SH3BGR: variants seen among roughly 807,000 people sequenced by gnomAD.
The protein encoded by SH3BGR is SH3 domain-binding glutamic acid-rich protein.
In SH3BGR, 29 loss-of-function variants were observed where a neutral mutation model predicts 24.5. The ratio of observed to expected loss-of-function variants is 1.18; its 90% CI spans 0.88 to 1.61. The LOEUF is 1.61. Among genes scored for constraint, SH3BGR ranks in the 40% most tolerant of loss-of-function variants. The probability of loss-of-function intolerance (pLI) is 0.00; values close to 1 mark genes in which losing one functional copy is unlikely to be tolerated. For synonymous variants in SH3BGR, 55 were observed against 65.7 expected (o/e 0.84, Z 0.79); for missense variants, 162 against 205.8 (o/e 0.79, Z 1.30).
intron 5 of SH3BGR, among the ~76,000 whole-genome samples, chr21:39,510,127 A>G (rs910255623): frequency 2.8e-5 from 4 of 144,968 alleles, no homozygotes; most frequent in Non-Finnish European, 1.5e-5. Flanking sequence ...TATTTTTAGT[A>G]GAGACGGGGT....
intron 4 of SH3BGR, among the ~76,000 whole-genome samples, chr21:39,501,843 T>G (rs916929407): frequency 6.6e-6 from 1 of 152,246 alleles, no homozygotes; most frequent in East Asian, 1.9e-4. Context: ...TTCAAGAACC[T>G]ACTGGCTTGT....
At position 39,479,231 on chromosome 21, in the gene SH3BGR, G is replaced by GAT. The variant is rs57993573; in HGVS notation, c.312+4016_312+4017insAT. ...TGGTGGTGGAGGTGGTAAGGGTGGT[G>GAT]GTGGTGGTGGTGGTGGTGGTGGTGG... On this transcript the variant is annotated intron_variant, in intron 3 of 6. Coordinates refer to ENST00000333634, the MANE Select transcript of SH3BGR (RefSeq NM_007341.3). Among the ~76,000 whole-genome samples the GAT allele has an allele frequency of 2.8e-3, 396 of 142,580 alleles. 1 individual carries two copies. Among genetic ancestry groups the GAT allele is most frequent in the African/African-American group, 9.6e-3 (367 of 38,110 alleles). 93.5% of individuals were successfully genotyped at this position (142,580 alleles called of 152,430 possible).
At chr21:39,447,666 G>A (rs915591531), upstream of SH3BGR, among the ~76,000 whole-genome samples, 1 of 151,948 alleles carries the variant, frequency 6.6e-6, no homozygotes, top group African/African-American at 2.4e-5. Context: ...TGATCTGCCC[G>A]CCTCGGCCTC....
At chr21:39,492,821 G>A (rs2078327384) in intron 3 of SH3BGR, among the ~76,000 whole-genome samples, 2 of 152,170 alleles carry the variant, frequency 1.3e-5, no homozygotes. Context: ...CATTCTTGCA[G>A]GAGTAAGGTG....
At chr21:39,452,439 CT>C (rs1165163370) in intron 1 of SH3BGR, among the ~76,000 whole-genome samples, 2 of 152,156 alleles carry the variant, frequency 1.3e-5, no homozygotes, top group Non-Finnish European at 2.9e-5. Flanking sequence ...GAAGCAGGGA[CT>C]TTTTTGTATG....
intron 1 of SH3BGR, among the ~76,000 whole-genome samples, chr21:39,453,375 G>A (rs1172187115): frequency 6.6e-6 from 1 of 152,084 alleles, no homozygotes; most frequent in African/African-American, 2.4e-5. Context: ...AGTTGATCTA[G>A]AAGGAGTAAA....
In SH3BGR at chr21:39,511,716, G is replaced by A; in HGVS notation, c.472G>A (p.Ala158Thr). ...AGCCATGGAGGGTGCGGAAGGGGAAGCCGAGGAGGAGGAAGAAACTGCAGA... is the reference window on the plus strand; with the variant it reads ...AGCCATGGAGGGTGCGGAAGGGGAAACCGAGGAGGAGGAAGAAACTGCAGA... ...EIAMEGAEGE[A>T]EEEEETAEGE... Residue 158 changes from alanine to threonine, a missense_variant, in exon 6 of 7, where the codon GCC becomes ACC. By Grantham distance (58) the Ala-to-Thr change is moderately conservative. Coordinates refer to ENST00000333634, the MANE Select transcript of SH3BGR (RefSeq NM_007341.3). This position sits in a 1 kb window ranked among gnomAD's most constrained non-coding sequence, Gnocchi z 4.2. The A allele has an allele frequency of 6.2e-7, 1 of 1,601,302 alleles. No individual in the cohort carries two copies. The highest frequency in any genetic ancestry group is 8.5e-7 in the Non-Finnish European group (1 of 1,176,086).
chr21:39,484,772 T>C (rs1291395855), intron 3 of SH3BGR, among the ~76,000 whole-genome samples: 1 of 152,210 alleles, frequency 6.6e-6, no homozygotes, highest in Non-Finnish European at 1.5e-5. Context: ...GAGCCTTTGG[T>C]GCTGTCAGCA....
chr21:39,502,634 G>C (rs2078515109), intron 4 of SH3BGR, among the ~76,000 whole-genome samples: 1 of 152,216 alleles, frequency 6.6e-6, no homozygotes, highest in African/African-American at 2.4e-5. Flanking sequence ...GCTTCCAGCT[G>C]GGTGGGGTGT....
At chr21:39,459,286 A>G (rs2077716135) in intron 1 of SH3BGR, among the ~76,000 whole-genome samples, 1 of 148,694 alleles carries the variant, frequency 6.7e-6, no homozygotes, top group African/African-American at 2.5e-5. Flanking sequence ...GTGCAGTGGC[A>G]CGATATCTGC....
intron 3 of SH3BGR, among the ~76,000 whole-genome samples, chr21:39,476,788 T>C (rs1303307204): frequency 1.3e-5 from 2 of 152,198 alleles, no homozygotes; most frequent in East Asian, 1.9e-4. Flanking sequence ...GTCTAGTTTT[T>C]ACAAAGGCCC....
chr21:39,452,043 G>A lies in SH3BGR; in HGVS notation c.-54G>A, dbSNP rs143613589. 48 of 1,613,964 alleles carry A rather than the reference G, an allele frequency of 3.0e-5. No homozygotes were observed. In the African/African-American group the frequency reaches 5.5e-4, roughly 18 times the overall value. On this transcript the variant is annotated 5_prime_UTR_variant, in exon 1 of 7. Coordinates refer to ENST00000333634, the MANE Select transcript of SH3BGR (RefSeq NM_007341.3). ...GTGTCACTGTCAGGATTTGTCTAGCGGCGCATTCCCTGACAGGGGTGTGTT... is the reference window on the plus strand; with the variant it reads ...GTGTCACTGTCAGGATTTGTCTAGCAGCGCATTCCCTGACAGGGGTGTGTT...
At chr21:39,499,776 C>A (rs761522857) in intron 3 of SH3BGR, 47 bp from the exon 4 acceptor site, 59 of 1,221,638 alleles carry the variant, frequency 4.8e-5, no homozygotes, top group Middle Eastern at 2.3e-4. Context: ...TTTTTTTTTT[C>A]TTTTTTCTGT....
intron 2 of SH3BGR, among the ~76,000 whole-genome samples, chr21:39,470,214 A>G (rs1037482524): frequency 6.6e-6 from 1 of 151,862 alleles, no homozygotes; most frequent in African/African-American, 2.4e-5. Flanking sequence ...TTTAACATAC[A>G]TACTTAAATT....
Position 39,487,787 on chromosome 21 carries a change from C to T in SH3BGR, c.313-12036C>T, listed in dbSNP as rs144238041. Among the ~76,000 whole-genome samples, 881 of 152,170 alleles carry T rather than the reference C, an allele frequency of 5.8e-3. 6 individuals are homozygous for T. The highest frequency in any genetic ancestry group is 0.02 in the African/African-American group (841 of 41,520). ...CATTTTCCGGTATCACTAGCGAGTG[C>T]CTATTGAAAGCATTTTTGAGTAATG... On this transcript the variant is annotated intron_variant, in intron 3 of 6. Transcript: ENST00000333634.
chr21:39,461,317 A>T (rs2077752154), intron 1 of SH3BGR, among the ~76,000 whole-genome samples: 1 of 152,006 alleles, frequency 6.6e-6, no homozygotes, highest in Non-Finnish European at 1.5e-5. Context: ...TTGTATTTTT[A>T]GTAGAGATGG....
rs114822550 is a variant in SH3BGR, at chr21:39,512,102, T to C, written c.*34+293T>C. ...GCAGGGAAGAGTTTTGTTTTGCATTTACTTCCTCCTCTTCCTCTATATAAA... is the reference window on the plus strand; with the variant it reads ...GCAGGGAAGAGTTTTGTTTTGCATTCACTTCCTCCTCTTCCTCTATATAAA... On this transcript the variant is annotated intron_variant, in intron 6 of 6. Transcript: ENST00000333634. Among the ~76,000 whole-genome samples, 564 of 152,346 alleles carry C rather than the reference T, an allele frequency of 3.7e-3. 4 individuals are homozygous for C. Among genetic ancestry groups the C allele is most frequent in the African/African-American group, 0.013 (538 of 41,576 alleles).
At chr21:39,489,749 C>T (rs1416401567) in intron 3 of SH3BGR, among the ~76,000 whole-genome samples, 2 of 152,134 alleles carry the variant, frequency 1.3e-5, no homozygotes, top group East Asian at 3.9e-4. Context: ...AATAGTATGC[C>T]AGGGCTACAT....
chr21:39,480,241 A>G (rs1041144246), intron 3 of SH3BGR, among the ~76,000 whole-genome samples: 5 of 152,218 alleles, frequency 3.3e-5, no homozygotes, highest in Admixed American at 6.5e-5. Context: ...GTACAATTCA[A>G]TGGCTTTTAG....
Sources: allele counts gnomAD v4.1 joint callset (sites outside exome capture counted in the v4.1 genomes callset), GRCh38; gene constraint gnomAD v4.1.1; non-coding constraint Gnocchi (gnomAD v3.1); transcripts MANE v1.5; gene names NCBI Gene and HGNC (gene_info 2026-07-23, HGNC 2026-07-21).